PCDH9: variants seen among roughly 807,000 people sequenced by gnomAD.
PCDH9 encodes protocadherin 9.
Under a neutral mutation model 70.6 loss-of-function variants are expected in PCDH9, and 24 were observed. That is an observed-to-expected ratio of 0.34 (90% CI 0.25 to 0.48). The LOEUF (loss-of-function observed/expected upper bound fraction) is 0.48. Ranked by LOEUF, PCDH9 falls within the 20% of genes least tolerant of loss-of-function variation. The pLI is 0.99. For missense variants in PCDH9, 1,281 were observed against 1,503.6 expected (o/e 0.85, Z 2.45); for synonymous variants, 562 against 558.5 (o/e 1.01, Z -0.09).
At chr13:66,744,685 A>G (rs968958332) in intron 3 of PCDH9, among the ~76,000 whole-genome samples, 1 of 152,138 alleles carries the variant, frequency 6.6e-6, no homozygotes, top group African/African-American at 2.4e-5. Flanking sequence ...ATATAAACAC[A>G]AGAAAGAAAT....
chr13:66,696,667 G>C (rs1326500908), intron 3 of PCDH9, among the ~76,000 whole-genome samples: 1 of 151,716 alleles, frequency 6.6e-6, no homozygotes, highest in Non-Finnish European at 1.5e-5. Context: ...ACACTACTTT[G>C]TGCACTCAAA....
At chr13:66,891,939 C>T (rs532230109) in intron 3 of PCDH9, among the ~76,000 whole-genome samples, 7 of 151,896 alleles carry the variant, frequency 4.6e-5, no homozygotes, top group African/African-American at 1.7e-4. Flanking sequence ...CCTTCTGTAG[C>T]TAGAAAACAG....
chr13:66,979,943 CTTTA>C (rs144683311), intron 2 of PCDH9, among the ~76,000 whole-genome samples: 2,714 of 152,064 alleles, frequency 0.018, 82 homozygotes, highest in African/African-American at 0.062. Flanking sequence ...CTATCTAATT[CTTTA>C]TTTAACTACT....
chr13:67,088,716 A>C (rs1219233359), intron 2 of PCDH9, among the ~76,000 whole-genome samples: 1 of 152,098 alleles, frequency 6.6e-6, no homozygotes, highest in Non-Finnish European at 1.5e-5. Flanking sequence ...ATCAGGCTCC[A>C]GAGTATCTGA....
chr13:66,689,843 C>T (rs2078457313), intron 3 of PCDH9, among the ~76,000 whole-genome samples: 1 of 152,106 alleles, frequency 6.6e-6, no homozygotes, highest in African/African-American at 2.4e-5. Context: ...ACAGTACTAT[C>T]CACTTGAGAA....
At chr13:66,483,369 G>A (rs796847314) in intron 4 of PCDH9, among the ~76,000 whole-genome samples, 6 of 152,204 alleles carry the variant, frequency 3.9e-5, no homozygotes, top group African/African-American at 1.4e-4. Context: ...AGGGACAATT[G>A]GAGTGAGAAA....
At chr13:66,610,280 CAGAGAGAGAA>C (rs562491729) in intron 4 of PCDH9, among the ~76,000 whole-genome samples, 1 of 151,194 alleles carries the variant, frequency 6.6e-6, no homozygotes, top group Non-Finnish European at 1.5e-5. Flanking sequence ...GAGAATGAGA[CAGAGAGAGAA>C]AGAGAGAGAG....
intron 4 of PCDH9, among the ~76,000 whole-genome samples, chr13:66,406,152 AAGC>A (rs1957277892): frequency 6.6e-6 from 1 of 152,168 alleles, no homozygotes; most frequent in African/African-American, 2.4e-5. Context: ...GGGCTTCTTC[AAGC>A]AGTGCCGACC....
intron 2 of PCDH9, among the ~76,000 whole-genome samples, chr13:67,010,706 T>C (rs568612298): frequency 6.6e-6 from 1 of 152,140 alleles, no homozygotes; most frequent in African/African-American, 2.4e-5. Flanking sequence ...TGATTTCTTG[T>C]CCTTGATGAC....
At chr13:66,861,063 G>T (rs1313096163) in intron 3 of PCDH9, among the ~76,000 whole-genome samples, 1 of 152,142 alleles carries the variant, frequency 6.6e-6, no homozygotes, top group Non-Finnish European at 1.5e-5. Context: ...ACTGAGACTT[G>T]CTGAATTTTA....
intron 2 of PCDH9, among the ~76,000 whole-genome samples, chr13:67,185,151 G>A (rs999245856): frequency 1.3e-5 from 2 of 152,064 alleles, no homozygotes; most frequent in Admixed American, 1.3e-4. Context: ...AGAAAAGAAG[G>A]AAAGAAAATA....
intron 4 of PCDH9, among the ~76,000 whole-genome samples, chr13:66,411,905 T>C (rs1415611142): frequency 6.6e-6 from 1 of 152,138 alleles, no homozygotes; most frequent in East Asian, 1.9e-4. Context: ...GCTGCTCCCA[T>C]AGAAATGGAG....
intron 2 of PCDH9, among the ~76,000 whole-genome samples, chr13:67,052,765 C>G (rs773946896): frequency 6.6e-6 from 1 of 151,816 alleles, no homozygotes; most frequent in African/African-American, 2.4e-5. Context: ...CAGAAAGAAC[C>G]GATTTATTCG....
chr13:66,328,196 T>C (rs1473293186), intron 4 of PCDH9, among the ~76,000 whole-genome samples: 5 of 152,188 alleles, frequency 3.3e-5, no homozygotes, highest in Admixed American at 1.3e-4. Flanking sequence ...TTTGAAGCAT[T>C]GAACAAAATT....
At chr13:66,869,063 CTTTTA>C (rs2081625587) in intron 3 of PCDH9, among the ~76,000 whole-genome samples, 1 of 152,066 alleles carries the variant, frequency 6.6e-6, no homozygotes, top group African/African-American at 2.4e-5. Flanking sequence ...ATAATATTTT[CTTTTA>C]TGAGTTTACT....
At chr13:66,937,066 T>A (rs1431145317) in intron 2 of PCDH9, among the ~76,000 whole-genome samples, 3 of 152,220 alleles carry the variant, frequency 2.0e-5, no homozygotes, top group East Asian at 3.8e-4. Flanking sequence ...GTTATGGTTC[T>A]CAATATAATT....
intron 2 of PCDH9, among the ~76,000 whole-genome samples, chr13:67,034,547 C>A (rs1377305853): frequency 6.6e-6 from 1 of 152,048 alleles, no homozygotes; most frequent in East Asian, 1.9e-4. Context: ...TAATACGGAT[C>A]TATATTTTAC....
chr13:66,984,711 A>G (rs999706276), intron 2 of PCDH9, among the ~76,000 whole-genome samples: 2 of 152,174 alleles, frequency 1.3e-5, no homozygotes, highest in Non-Finnish European at 2.9e-5. Flanking sequence ...TAATTTAACT[A>G]TAATTTCAAT....
intron 4 of PCDH9, among the ~76,000 whole-genome samples, chr13:66,463,006 C>T (rs1479146892): frequency 6.6e-6 from 1 of 151,752 alleles, no homozygotes; most frequent in Non-Finnish European, 1.5e-5. Flanking sequence ...CAATAAAATG[C>T]CATATGCATT....
Sources: gnomAD v4.1 joint callset for allele counts (sites outside exome capture counted in the v4.1 genomes callset) on GRCh38, gnomAD v4.1.1 for gene constraint, MANE v1.5 for transcripts, NCBI Gene and HGNC (gene_info 2026-07-23, HGNC 2026-07-21) for gene names.